Variants in JDP2 observed in about 807,000 individuals in gnomAD.
The protein encoded by JDP2 is progesterone receptor co-activator.
In JDP2, 9 loss-of-function variants were observed where a neutral mutation model predicts 17.1. The observed-to-expected ratio is 0.53, with a 90% CI of 0.32 to 0.92. The LOEUF is 0.92. Ranked by LOEUF, JDP2 falls within the 40% of genes least tolerant of loss-of-function variation. JDP2 has a pLI of 0.04. For missense variants in JDP2, 179 were observed against 220.0 expected (o/e 0.81, Z 1.18); for synonymous variants, 107 against 95.6 (o/e 1.12, Z -0.69).
rs758023997 is a variant in JDP2 at position 75,430,716 on chromosome 14, TG to T, written c.-24+2466del. Among the ~76,000 whole-genome samples the T allele has an allele frequency of 1.3e-5, 2 of 152,056 alleles. No homozygotes were observed. The highest frequency in any genetic ancestry group is 2.4e-5 in the African/African-American group (1 of 41,386). ...TTGCTTGTCTTGGCAGTCGGTTCCG[TG>T]GCTTGTATTACCAGCTCTGGAACTT... On this transcript the variant is annotated intron_variant, in intron 1 of 3. Coordinates refer to ENST00000651602, the MANE Select transcript of JDP2 (RefSeq NM_001135048.2). This position sits in a 1 kb window ranked among gnomAD's most constrained non-coding sequence, Gnocchi z 4.5.
chr14:75,457,673 G>A (rs1886173640), intron 2 of JDP2, among the ~76,000 whole-genome samples: 1 of 152,204 alleles, frequency 6.6e-6, no homozygotes, highest in Admixed American at 6.5e-5. Flanking sequence ...TGTGGAACTG[G>A]GGGCTCTAGG....
At chr14:75,434,402 A>G (rs990545072) in intron 1 of JDP2, among the ~76,000 whole-genome samples, 9 of 152,038 alleles carry the variant, frequency 5.9e-5, no homozygotes, top group African/African-American at 2.2e-4. Context: ...TGTGGTTTAT[A>G]TCTGAGCAGT....
At chr14:75,435,083 A>G (rs991542135) in intron 1 of JDP2, among the ~76,000 whole-genome samples, 1 of 152,220 alleles carries the variant, frequency 6.6e-6, no homozygotes, top group African/African-American at 2.4e-5. Context: ...TTCCCGGCAC[A>G]GTTTTGCTAC....
chr14:75,439,680 G>A (rs1197047365), intron 2 of JDP2, among the ~76,000 whole-genome samples: 2 of 152,198 alleles, frequency 1.3e-5, no homozygotes, highest in African/African-American at 4.8e-5. Context: ...GTGAGTTGAT[G>A]GTGATTACAT....
chr14:75,443,758 A>G (rs905287097), intron 2 of JDP2, among the ~76,000 whole-genome samples: 2 of 152,122 alleles, frequency 1.3e-5, no homozygotes, highest in Non-Finnish European at 2.9e-5. Flanking sequence ...TCCCTTGGAG[A>G]GGTGGTGGTG....
In JDP2 at chr14:75,445,787, A is replaced by G. The variant is rs1474367968; in HGVS notation, c.201+7666A>G. The G allele has an allele frequency of 3.5e-5, 6 of 173,280 alleles. 1 individual carries two copies. In the South Asian group the frequency reaches 9.6e-4, roughly 28 times the overall value. 10.7% of individuals were successfully genotyped at this position (173,280 alleles called of 1,614,324 possible). ...TTTCTTAGATTTTATGCCAAAAATA[A>G]AAGCAACAAAATAAAAAAAATAAAT... is the stretch of plus-strand genomic sequence containing the variant. On this transcript the variant is annotated intron_variant, in intron 2 of 3. Transcript: ENST00000651602.
At chr14:75,439,164 C>G (rs758594982) in intron 2 of JDP2, among the ~76,000 whole-genome samples, 10 of 152,126 alleles carry the variant, frequency 6.6e-5, no homozygotes, top group African/African-American at 1.4e-4. Flanking sequence ...TGTCTGGGTA[C>G]CCGTAGGGGA....
At chr14:75,460,244 G>A (rs913284756) in intron 2 of JDP2, among the ~76,000 whole-genome samples, 1 of 152,130 alleles carries the variant, frequency 6.6e-6, no homozygotes, top group South Asian at 2.1e-4. Context: ...TCCTGAGGGA[G>A]AAGCAAGCCC....
At chr14:75,434,568 G>A (rs1884974603) in intron 1 of JDP2, among the ~76,000 whole-genome samples, 1 of 152,084 alleles carries the variant, frequency 6.6e-6, no homozygotes, top group Admixed American at 6.6e-5. Context: ...CCCAGGGGGT[G>A]GCCGCTCCTT....
intron 2 of JDP2, among the ~76,000 whole-genome samples, chr14:75,440,259 A>T (rs975265227): frequency 6.6e-6 from 1 of 152,216 alleles, no homozygotes; most frequent in African/African-American, 2.4e-5. Context: ...GAAGAGGCAG[A>T]TGGAGCTGCG....
chr14:75,427,422 T>TC (rs1282199357), upstream of JDP2: 1 of 152,474 alleles, frequency 6.6e-6, no homozygotes, highest in African/African-American at 2.4e-5. The surrounding 1 kb of genome is among the most constrained non-coding windows in gnomAD (Gnocchi z 4.4). Context: ...TCTCAGCCCA[T>TC]CCTTCTCCAC....
At position 75,428,027 on chromosome 14, in the gene JDP2, C is replaced by T. The variant is rs1884600486; in HGVS notation, c.-249C>T. 1.3e-5 allele frequency: 2 copies of T among 150,262 alleles called. No homozygotes were observed. The highest frequency in any genetic ancestry group is 4.1e-4 in the South Asian group (2 of 4,842). The allele number at this position is 150,262 out of a possible 1,614,324, so 9.3% of individuals were successfully genotyped here. A position where few individuals can be genotyped will look rare whatever the true frequency, so the allele number is the denominator to read the frequency against. On this transcript the variant is annotated 5_prime_UTR_variant, in exon 1 of 4. Coordinates refer to ENST00000651602, the MANE Select transcript of JDP2 (RefSeq NM_001135048.2). The surrounding 1 kb of genome is among the most constrained non-coding windows in gnomAD (Gnocchi z 5.6). ...GGGCTGATGCAACCCGTCCCGCCGCCCGCCACAGCCTGCGGGAGGGACGCT... is the reference window on the plus strand; with the variant it reads ...GGGCTGATGCAACCCGTCCCGCCGCTCGCCACAGCCTGCGGGAGGGACGCT...
chr14:75,445,508 C>T (rs1001372545), intron 2 of JDP2: 2 of 985,310 alleles, frequency 2.0e-6, no homozygotes, highest in Non-Finnish European at 1.2e-6. Context: ...AATAAAAACC[C>T]TTGCCTTTTT....
chr14:75,456,476 C>A (rs926393745), intron 2 of JDP2, among the ~76,000 whole-genome samples: 2 of 152,154 alleles, frequency 1.3e-5, no homozygotes, highest in African/African-American at 4.8e-5. Flanking sequence ...GGAGGTGCTT[C>A]CTCTTTGGTG....
At chr14:75,432,448 TC>T in intron 1 of JDP2, 1 of 1,002,162 alleles carries the variant, frequency 1.0e-6, no homozygotes. Flanking sequence ...GCTCCCAAGG[TC>T]CCCCACTTCT....
intron 1 of JDP2, among the ~76,000 whole-genome samples, chr14:75,434,154 C>A (rs565002165): frequency 6.2e-4 from 94 of 152,270 alleles, no homozygotes; most frequent in Admixed American, 1.2e-3. Flanking sequence ...CCCCACTCCC[C>A]CTTTTTTATA....
chr14:75,457,086 G>A (rs146481473), intron 2 of JDP2, among the ~76,000 whole-genome samples: 6 of 152,298 alleles, frequency 3.9e-5, no homozygotes, highest in South Asian at 2.1e-4. Context: ...CCCTCAGCCC[G>A]CATCTCATGG....
At chr14:75,458,444 A>G (rs1373003808) in intron 2 of JDP2, among the ~76,000 whole-genome samples, 1 of 152,172 alleles carries the variant, frequency 6.6e-6, no homozygotes, top group Admixed American at 6.5e-5. Flanking sequence ...TTGCTGTGGT[A>G]GTTTGCTAAG....
At chr14:75,444,756 A>T (rs1051520421) in intron 2 of JDP2, among the ~76,000 whole-genome samples, 2 of 152,206 alleles carry the variant, frequency 1.3e-5, no homozygotes, top group African/African-American at 4.8e-5. Flanking sequence ...TTAGAGACTG[A>T]TTCCATGTGT....
Sources: gnomAD v4.1 joint callset for allele counts (sites outside exome capture counted in the v4.1 genomes callset) on GRCh38, gnomAD v4.1.1 for gene constraint, Gnocchi (gnomAD v3.1) non-coding constraint, MANE v1.5 for transcripts, NCBI Gene and HGNC (gene_info 2026-07-23, HGNC 2026-07-21) for gene names.